Variants in MYBPC3 observed in about 807,000 individuals in gnomAD.
MYBPC3 encodes myosin-binding protein C, cardiac-type.
MYBPC3 carries 108 observed loss-of-function variants against 159.3 expected under a neutral mutation model. The observed-to-expected ratio is 0.68, with a 90% confidence interval of 0.58 to 0.80. The LOEUF (loss-of-function observed/expected upper bound fraction) is 0.80. Ranked by LOEUF, MYBPC3 falls within the 30% of genes least tolerant of loss-of-function variation. The pLI, the probability that MYBPC3 is intolerant of heterozygous loss-of-function variation, is 0.00. For missense variants in MYBPC3, 1,631 were observed against 1,762.1 expected (o/e 0.93, Z 1.33); for synonymous variants, 730 against 702.0 (o/e 1.04, Z -0.63).
chr11:47,337,491 C>T lies in MYBPC3; in HGVS notation c.2502G>A (p.Arg834=), dbSNP rs758371979. 3 of 1,613,994 alleles carry T rather than the reference C, an allele frequency of 1.9e-6. No individual in the cohort carries two copies. The highest frequency in any genetic ancestry group is 1.7e-5 in the Admixed American group (1 of 60,024). ...DLIQELSHEA[R]RMIEGVVYEM... ...CGTACACCACGCCCTCGATCATGCG[C>T]CGCGCTTCATGACTCAGCTCCTGAA... is the stretch of plus-strand genomic sequence containing the variant. The change falls in exon 25 of 35, where the codon CGG becomes CGA. Residue 834 remains arginine, a synonymous_variant. Transcript: ENST00000545968.
chr11:47,334,200 G>C (rs946207549), intron 27 of MYBPC3, among the ~76,000 whole-genome samples, 190 bp from the exon 28 acceptor site: 1 of 152,332 alleles, frequency 6.6e-6, no homozygotes, highest in Admixed American at 6.5e-5. Context: ...TGGCTTCCCC[G>C]AGCCTCACCA....
intron 20 of MYBPC3, among the ~76,000 whole-genome samples, chr11:47,340,280 C>T (rs2095887215): frequency 6.6e-6 from 1 of 152,044 alleles, no homozygotes. Flanking sequence ...GACACATGCA[C>T]ACACACACAC....
chr11:47,342,394 C>T (rs2095889605), intron 17 of MYBPC3, among the ~76,000 whole-genome samples, 184 bp downstream of exon 17: 1 of 152,192 alleles, frequency 6.6e-6, no homozygotes. Context: ...CTCTCAGTAC[C>T]CTCTGGAGCG....
intron 17 of MYBPC3, 73 bp from the exon 18 acceptor site, chr11:47,342,229 T>C (rs2095889441): frequency 2.0e-6 from 3 of 1,537,010 alleles, no homozygotes; most frequent in Non-Finnish European, 2.6e-6. Context: ...GGAGGGCGTG[T>C]GGGCCCATGG....
intron 12 of MYBPC3, among the ~76,000 whole-genome samples, chr11:47,343,929 C>T (rs2095891853): frequency 6.6e-6 from 1 of 152,238 alleles, no homozygotes. Context: ...GCTGGGATTA[C>T]AGGCATGTGC....
chr11:47,334,251 GA>G (rs2095880185), intron 27 of MYBPC3, among the ~76,000 whole-genome samples: 1 of 152,362 alleles, frequency 6.6e-6, no homozygotes, highest in African/African-American at 2.4e-5. Context: ...CAACTTGACT[GA>G]AGTCACACAG....
At chr11:47,342,477 G>A in intron 17 of MYBPC3, 101 bp downstream of exon 17, 1 of 1,353,878 alleles carries the variant, frequency 7.4e-7, no homozygotes, top group Non-Finnish European at 9.8e-7. Flanking sequence ...GGTCACAGAG[G>A]CCTTGAGCCC....
Position 47,346,218 on chromosome 11 carries a change from T to C in MYBPC3, c.1079A>G (p.Lys360Arg). 1 of 1,613,928 alleles carries C rather than the reference T, an allele frequency of 6.2e-7. No individual in the cohort carries two copies. Residue 360 changes from lysine to arginine, a missense_variant, in exon 12 of 35, where the codon AAG becomes AGG. By Grantham distance (26) the Lys-to-Arg change is conservative. Transcript: ENST00000545968. This position sits in a 1 kb window ranked among gnomAD's most constrained non-coding sequence, Gnocchi z 5.3. ...GAGGAAGGGCTAACCTGTGCTCTTC[T>C]TCTCATCGCGCCTCATGCCCTTGAG... ...KRLKGMRRDEKKSTAFQKKLE... is the reference protein window; with the variant it reads ...KRLKGMRRDERKSTAFQKKLE...
intron 22 of MYBPC3, 58 bp downstream of exon 22, chr11:47,339,266 C>A (rs542313895): frequency 6.3e-7 from 1 of 1,578,964 alleles, no homozygotes; most frequent in African/African-American, 1.3e-5. Flanking sequence ...CTCGGCACCA[C>A]GTAGGTAGAA....
Position 47,346,651 on chromosome 11 carries a change from C to T in MYBPC3, c.909-7G>A, listed in dbSNP as rs1373705247. ...CCTCGGGGTCCGGAAACTGCTGCTC[C>T]AGGGGTGGGGGTGGGAGAAAGGGTA... On this transcript the variant is annotated splice_polypyrimidine_tract_variant and splice_region_variant and intron_variant, in intron 10 of 34. Transcript: ENST00000545968. The surrounding 1 kb of genome is among the most constrained non-coding windows in gnomAD (Gnocchi z 5.3). 4.6e-6 allele frequency: 7 copies of T among 1,512,336 alleles called. No individual in the cohort carries two copies. The highest frequency in any genetic ancestry group is 6.4e-6 in the Non-Finnish European group (7 of 1,100,294). The allele number at this position is 1,512,336 out of a possible 1,614,324, so 93.7% of individuals were successfully genotyped here. A position where few individuals can be genotyped will look rare whatever the true frequency, so the allele number is the denominator to read the frequency against.
chr11:47,346,954 G>C lies in MYBPC3; in HGVS notation c.908+73C>G, dbSNP rs963424787. On this transcript the variant is annotated intron_variant, in intron 10 of 34. Transcript: ENST00000545968. This position sits in a 1 kb window ranked among gnomAD's most constrained non-coding sequence, Gnocchi z 5.3. ...CTGAGTCTCTCACCACAGCCTCTCA[G>C]AGAGGGGACGGGAATCCCCTCTGCA... 6.5e-6 allele frequency: 5 copies of C among 767,566 alleles called. No individual in the cohort carries two copies. Among genetic ancestry groups the C allele is most frequent in the Non-Finnish European group, 1.2e-5 (5 of 420,142 alleles). The allele number at this position is 767,566 out of a possible 1,614,324, so 47.5% of individuals were successfully genotyped here.
intron 2 of MYBPC3, 36 bp from the exon 3 acceptor site, chr11:47,350,651 C>A: frequency 6.9e-7 from 1 of 1,440,458 alleles, no homozygotes; most frequent in Non-Finnish European, 9.1e-7. Context: ...GGTGCAGCCA[C>A]TAACCAGAGA....
chr11:47,339,715 C>T lies in MYBPC3; in HGVS notation c.2003G>A (p.Arg668His), dbSNP rs727503191. The T allele has an allele frequency of 3.8e-5, 61 of 1,613,792 alleles. 1 individual carries two copies. Among genetic ancestry groups the T allele is most frequent in the East Asian group, 8.9e-5 (4 of 44,902 alleles). Reference protein sequence around the residue: ...TIVVVAGNKLRLDVPISGDPA... With the variant: ...TIVVVAGNKLHLDVPISGDPA... ...GTCCCCAGAGATAGGGACGTCCAGA[C>T]GTAGCTTATTTCCAGCTACAACCAC... The change falls in exon 21 of 35, where the codon CGT (arginine) becomes CAT (histidine). Residue 668 changes from arginine (R) to histidine (H), a missense_variant. By Grantham distance (29) the Arg-to-His change is conservative (BLOSUM62 0). Transcript: ENST00000545968.
At position 47,349,916 on chromosome 11, in the gene MYBPC3, C is replaced by T. The variant is rs369683229; in HGVS notation, c.512G>A (p.Ser171Asn). ...PQDGEVTVGG[S>N]ITFSARVAGA... ...GGCCACGCGGGCTGAGAAGGTGATG[C>T]TGCCACCTGCAAAGGCAGGGGCGAC... Residue 171 changes from serine to asparagine, a missense_variant, in exon 5 of 35, where the codon AGC becomes AAC. Ser to Asn is a conservative substitution (Grantham distance 46, BLOSUM62 1). Coordinates refer to ENST00000545968, the MANE Select transcript of MYBPC3 (RefSeq NM_000256.3). 1.3e-6 allele frequency: 2 copies of T among 1,587,432 alleles called. No individual in the cohort carries two copies. Among genetic ancestry groups the T allele is most frequent in the African/African-American group, 2.8e-5 (2 of 72,602 alleles).
chr11:47,347,785 C>A, intron 7 of MYBPC3, 72 bp downstream of exon 7: 2 of 1,547,004 alleles, frequency 1.3e-6, no homozygotes, highest in Non-Finnish European at 1.7e-6. Context: ...CAGCCCTGAC[C>A]CCCAGTCGAG....
rs567765778 is a variant in MYBPC3 at position 47,339,511 on chromosome 11, G to A, written c.2068-107C>T. On this transcript the variant is annotated intron_variant, in intron 21 of 34. Transcript: ENST00000545968. ...CTGACCCACACTGCCCACCTTGCCT[G>A]CCCCCTGACCAGTCTCTCCCATGGG... is the stretch of plus-strand genomic sequence containing the variant. 1.1e-5 allele frequency: 16 copies of A among 1,493,040 alleles called. No homozygotes were observed. The Admixed American group carries it at 1.6e-4, about 15-fold the overall frequency. 92.5% of individuals were successfully genotyped at this position (1,493,040 alleles called of 1,614,324 possible). A position where few individuals can be genotyped will look rare whatever the true frequency, so the allele number is the denominator to read the frequency against.
chr11:47,343,073 GGCT>G lies in MYBPC3; in HGVS notation c.1296_1298del (p.Ala433del), dbSNP rs2095890711. 1.2e-6 allele frequency: 2 copies of G among 1,612,354 alleles called. No individual in the cohort carries two copies. The highest frequency in any genetic ancestry group is 2.2e-5 in the South Asian group (2 of 90,738). On this transcript the variant is annotated inframe_deletion, in exon 15 of 35. Transcript: ENST00000545968. The stretch of plus-strand genomic sequence containing the variant: ...TCTCGCCACCCACCACGCACTGGTA[GGCT>G]GCGTCGTCCGCCAATGAGCACTGGC...
At chr11:47,348,168 C>T (rs555277589) in intron 6 of MYBPC3, among the ~76,000 whole-genome samples, 6 of 152,250 alleles carry the variant, frequency 3.9e-5, no homozygotes, top group East Asian at 3.9e-4. Flanking sequence ...AGTGCCAGGC[C>T]ATGGGCCAGG....
At chr11:47,335,850 AG>A (rs1166877319) in intron 26 of MYBPC3, 26 bp downstream of exon 26, 124 of 722,906 alleles carry the variant, frequency 1.7e-4, no homozygotes, top group Non-Finnish European at 2.1e-4. Flanking sequence ...TCCTTTGGGG[AG>A]GGGGGTTGGG....
Sources: allele counts gnomAD v4.1 joint callset (sites outside exome capture counted in the v4.1 genomes callset), GRCh38; gene constraint gnomAD v4.1.1; non-coding constraint Gnocchi (gnomAD v3.1); transcripts MANE v1.5; gene names NCBI Gene and HGNC (gene_info 2026-07-23, HGNC 2026-07-21).